Variants in KCTD5 observed in about 807,000 individuals in gnomAD.
KCTD5 encodes the protein potassium channel tetramerization domain containing 5.
KCTD5 carries 12 observed loss-of-function variants against 27.9 expected under a neutral mutation model. That is an observed-to-expected ratio of 0.43 (90% CI 0.28 to 0.70). The LOEUF is 0.70. Among genes scored for constraint, KCTD5 ranks in the 30% least tolerant of loss-of-function variants. The pLI, the probability that KCTD5 is intolerant of heterozygous loss-of-function variation, is 0.19. For missense variants in KCTD5, 226 were observed against 274.8 expected (o/e 0.82, Z 1.26); for synonymous variants, 147 against 121.4 (o/e 1.21, Z -1.39).
At chr16:2,700,011 T>C in intron 4 of KCTD5, 95 bp downstream of exon 4, 1 of 1,169,874 alleles carries the variant, frequency 8.5e-7, no homozygotes, top group East Asian at 2.4e-5. Flanking sequence ...ATGCAGACTT[T>C]GCTGCTGGCG....
chr16:2,702,598 T>C, intron 5 of KCTD5, 120 bp downstream of exon 5: 1 of 1,352,988 alleles, frequency 7.4e-7, no homozygotes, highest in Non-Finnish European at 9.9e-7. Context: ...CCTGGTGGCC[T>C]TGCTGACTTC....
intron 5 of KCTD5, among the ~76,000 whole-genome samples, chr16:2,704,771 C>T (rs536800121): frequency 6.6e-6 from 1 of 152,212 alleles, no homozygotes; most frequent in Admixed American, 6.5e-5. Flanking sequence ...CTCCCTCCTG[C>T]AGCAGTGGGG....
chr16:2,704,527 A>G (rs2067626415), intron 5 of KCTD5, among the ~76,000 whole-genome samples: 1 of 152,254 alleles, frequency 6.6e-6, no homozygotes, highest in Non-Finnish European at 1.5e-5. Flanking sequence ...GGACTCGCAG[A>G]GCTCACTGAG....
chr16:2,682,543 G>A lies in KCTD5; in HGVS notation c.-6G>A, dbSNP rs766971950. 5.7e-6 allele frequency: 8 copies of A among 1,399,092 alleles called. No homozygotes were observed. The highest frequency in any genetic ancestry group is 6.5e-6 in the Non-Finnish European group (7 of 1,079,102). The allele number at this position is 1,399,092 out of a possible 1,614,324, so 86.7% of individuals were successfully genotyped here. A position where few individuals can be genotyped will look rare whatever the true frequency, so the allele number is the denominator to read the frequency against. The stretch of plus-strand genomic sequence containing the variant: ...GAAGGGAGCTGTTGCGGGGCTTGCT[G>A]GGATCATGGCGGAGAATCACTGCGA... On this transcript the variant is annotated 5_prime_UTR_variant, in exon 1 of 6. Coordinates refer to ENST00000301738, the MANE Select transcript of KCTD5 (RefSeq NM_018992.4).
At chr16:2,688,136 G>C (rs185811664) in intron 1 of KCTD5, among the ~76,000 whole-genome samples, 1 of 151,360 alleles carries the variant, frequency 6.6e-6, no homozygotes, top group Non-Finnish European at 1.5e-5. Flanking sequence ...CCCGTACCTG[G>C]TGCCAGGTCA....
At position 2,682,754 on chromosome 16, in the gene KCTD5, T is replaced by G. The variant is rs1356975827; in HGVS notation, c.206T>G (p.Phe69Cys). The change falls in exon 1 of 6, where the codon TTC (phenylalanine) becomes TGC (cysteine). Residue 69 changes from phenylalanine to cysteine, a missense_variant. By Grantham distance (205) the Phe-to-Cys change is radical. Around this residue, in one of 2 missense-constraint regions of KCTD5, gnomAD observed 135 missense variants for 207.0 expected, o/e 0.65. Transcript: ENST00000301738. ...RQTLCRDPKS[F>C]LYRLCQADPD... ...ACCCTGTGCCGGGACCCGAAATCCT[T>G]CCTGTACCGCTTATGCCAGGCCGAT... 6.2e-7 allele frequency: 1 copy of G among 1,607,698 alleles called. No individual in the cohort carries two copies. Among genetic ancestry groups the G allele is most frequent in the Admixed American group, 1.7e-5 (1 of 59,496 alleles).
intron 5 of KCTD5, among the ~76,000 whole-genome samples, chr16:2,706,868 C>T (rs1249643522): frequency 6.9e-6 from 1 of 144,672 alleles, no homozygotes; most frequent in Non-Finnish European, 1.5e-5. Flanking sequence ...GGGTGAGGGG[C>T]ATCTCCAGGA....
Position 2,699,504 on chromosome 16 carries a change from C to T in KCTD5, c.454-317C>T, listed in dbSNP as rs947335370. Among the ~76,000 whole-genome samples, 24 of 152,372 alleles carry T rather than the reference C, an allele frequency of 1.6e-4. 1 individual carries two copies. The South Asian group carries it at 3.5e-3, about 22-fold the overall frequency. ...TGAATTCAGGGCTGCACGGTTGCTG[C>T]GTGCGGAGCAGACGTGGACGCTCTC... is the stretch of plus-strand genomic sequence containing the variant. On this transcript the variant is annotated intron_variant, in intron 3 of 5. Transcript: ENST00000301738.
At chr16:2,696,459 G>A (rs2067586529) in intron 2 of KCTD5, among the ~76,000 whole-genome samples, 1 of 152,046 alleles carries the variant, frequency 6.6e-6, no homozygotes, top group African/African-American at 2.4e-5. Context: ...CAAGGGTGGT[G>A]AATGTCTCTG....
chr16:2,706,576 C>T (rs895306913), intron 5 of KCTD5, among the ~76,000 whole-genome samples: 9 of 151,788 alleles, frequency 5.9e-5, no homozygotes, highest in African/African-American at 1.7e-4. Context: ...GAGCCCAGGC[C>T]GACTTGGGGG....
At position 2,682,769 on chromosome 16, in the gene KCTD5, G is replaced by T; in HGVS notation, c.221G>T (p.Cys74Phe). The change falls in exon 1 of 6, where the codon TGC becomes TTC. Residue 74 changes from cysteine (C) to phenylalanine (F), a missense_variant. By Grantham distance (205) the Cys-to-Phe change is radical. Around this residue, in one of 2 missense-constraint regions of KCTD5, gnomAD observed 135 missense variants for 207.0 expected, o/e 0.65. Coordinates refer to ENST00000301738, the MANE Select transcript of KCTD5 (RefSeq NM_018992.4). ...RDPKSFLYRL[C>F]QADPDLDSDK... ...CCGAAATCCTTCCTGTACCGCTTAT[G>T]CCAGGCCGATCCCGACCTGGACTCA... 1 of 1,604,384 alleles carries T rather than the reference G, an allele frequency of 6.2e-7. No homozygotes were observed. Among genetic ancestry groups the T allele is most frequent in the Non-Finnish European group, 8.5e-7 (1 of 1,176,290 alleles).
chr16:2,701,956 T>G (rs1402490206), intron 4 of KCTD5, among the ~76,000 whole-genome samples: 1 of 152,184 alleles, frequency 6.6e-6, no homozygotes. Flanking sequence ...CCAGCGGCTT[T>G]CGGTCCAGTC....
intron 5 of KCTD5, among the ~76,000 whole-genome samples, chr16:2,706,979 C>T (rs372280699): frequency 1.4e-4 from 21 of 151,714 alleles, no homozygotes; most frequent in South Asian, 8.4e-4. Flanking sequence ...GAGGGACCCG[C>T]GGGCCGAGTT....
rs747148611 is a variant in KCTD5 at position 2,702,356 on chromosome 16, G to C, written c.553G>C (p.Val185Leu). ...CTCAGGCTATGTCTCCTTGCAGTTGGTCAGCATCGGCTCCTCTTACAACTA... is the reference window on the plus strand; with the variant it reads ...CTCAGGCTATGTCTCCTTGCAGTTGCTCAGCATCGGCTCCTCTTACAACTA... ...MSDGWKFEQLVSIGSSYNYGN... is the reference protein window; with the variant it reads ...MSDGWKFEQLLSIGSSYNYGN... Residue 185 changes from valine (V) to leucine (L), a missense_variant, in exon 5 of 6, where the codon GTC becomes CTC. This residue lies in a region of KCTD5 where 135 missense variants were observed against 207.0 expected (regional missense o/e 0.65). Transcript: ENST00000301738. The C allele has an allele frequency of 1.2e-6, 2 of 1,613,514 alleles. No individual in the cohort carries two copies. Among genetic ancestry groups the C allele is most frequent in the Admixed American group, 3.3e-5 (2 of 60,022 alleles).
intron 1 of KCTD5, among the ~76,000 whole-genome samples, chr16:2,691,330 T>C (rs2067565746): frequency 6.6e-6 from 1 of 152,146 alleles, no homozygotes; most frequent in Non-Finnish European, 1.5e-5. Context: ...AACCCACCAG[T>C]TAGAAGGAAC....
intron 4 of KCTD5, among the ~76,000 whole-genome samples, chr16:2,700,382 G>GT (rs1205737700): frequency 6.6e-6 from 1 of 152,220 alleles, no homozygotes; most frequent in African/African-American, 2.4e-5. Flanking sequence ...CTTCTCTCTG[G>GT]TTTTGGCAAG....
intron 3 of KCTD5, chr16:2,699,205 C>T (rs1034768997): frequency 2.2e-5 from 10 of 455,948 alleles, no homozygotes; most frequent in Non-Finnish European, 3.5e-5. Context: ...GGATGTGGGG[C>T]CACCCCGCCC....
chr16:2,705,591 G>T (rs1265122162), intron 5 of KCTD5, among the ~76,000 whole-genome samples: 1 of 152,120 alleles, frequency 6.6e-6, no homozygotes, highest in East Asian at 1.9e-4. Context: ...TATCTCAGCT[G>T]CCAAATCCTG....
rs1022385971 is a variant in KCTD5, at chr16:2,707,725, G to A, written c.*398G>A. ...ACTGGCAGGAAGCGGCCGCAGCCGCGTCAGTGTCCAGCACGTCGTGGCCTC... is the reference window on the plus strand; with the variant it reads ...ACTGGCAGGAAGCGGCCGCAGCCGCATCAGTGTCCAGCACGTCGTGGCCTC... On this transcript the variant is annotated 3_prime_UTR_variant, in exon 6 of 6. Coordinates refer to ENST00000301738, the MANE Select transcript of KCTD5 (RefSeq NM_018992.4). The A allele has an allele frequency of 2.3e-5, 11 of 488,112 alleles. No homozygotes were observed. Among genetic ancestry groups the A allele is most frequent in the Non-Finnish European group, 3.7e-5 (10 of 273,378 alleles). 30.2% of individuals were successfully genotyped at this position (488,112 alleles called of 1,614,324 possible).
Sources: gnomAD v4.1 joint callset for allele counts (sites outside exome capture counted in the v4.1 genomes callset) on GRCh38, gnomAD v4.1.1 for gene constraint, gnomAD v4.1.1 regional missense constraint, MANE v1.5 for transcripts, NCBI Gene and HGNC (gene_info 2026-07-23, HGNC 2026-07-21) for gene names.